Variants in RAB11FIP4 observed in about 807,000 individuals in gnomAD.
RAB11FIP4 encodes the protein RAB11 family interacting protein 4.
In RAB11FIP4, 23 loss-of-function variants were observed where a neutral mutation model predicts 74.3. That is an observed-to-expected ratio of 0.31 (90% confidence interval 0.22 to 0.44). RAB11FIP4 has a LOEUF of 0.44. Among genes scored for constraint, RAB11FIP4 ranks in the 20% least tolerant of loss-of-function variants. The probability of loss-of-function intolerance (pLI) is 1.00; values close to 1 mark genes in which losing one functional copy is unlikely to be tolerated. For synonymous variants in RAB11FIP4, 360 were observed against 359.9 expected, an observed-to-expected ratio of 1.00 and a Z score of 0.00; for missense variants, 630 against 863.9, an observed-to-expected ratio of 0.73 and a Z score of 3.39.
chr17:31,438,669 A>G (rs2071382399), intron 3 of RAB11FIP4, among the ~76,000 whole-genome samples: 1 of 152,006 alleles, frequency 6.6e-6, no homozygotes, highest in Non-Finnish European at 1.5e-5. Context: ...ATCTCTCACC[A>G]TGGTGCATCT....
At position 31,470,932 on chromosome 17, in the gene RAB11FIP4, G is replaced by A. The variant is rs148630051; in HGVS notation, c.336+36810G>A. Among the ~76,000 whole-genome samples the A allele has an allele frequency of 3.9e-3, 588 of 152,296 alleles. 6 individuals are homozygous for A. The highest frequency in any genetic ancestry group is 5.6e-3 in the Non-Finnish European group (378 of 68,014). On this transcript the variant is annotated intron_variant, in intron 3 of 14. Coordinates refer to ENST00000621161, the MANE Select transcript of RAB11FIP4 (RefSeq NM_032932.6). ...GGCCACATAGTAGATGCAGTTTTCT[G>A]TAGAAGTTTTATTTTAAAAATCAAT...
At chr17:31,405,439 G>A (rs938765655) in intron 1 of RAB11FIP4, among the ~76,000 whole-genome samples, 17 of 151,858 alleles carry the variant, frequency 1.1e-4, no homozygotes, top group Admixed American at 8.5e-4. Context: ...GCGTGATCTC[G>A]GCTCACTGCA....
intron 3 of RAB11FIP4, among the ~76,000 whole-genome samples, chr17:31,507,873 G>A (rs1404616583): frequency 6.6e-6 from 1 of 151,884 alleles, no homozygotes; most frequent in African/African-American, 2.4e-5. Flanking sequence ...TCTCACTCCC[G>A]TTGCCCAGGC....
In RAB11FIP4 at chr17:31,537,389, G is replaced by A. The variant is rs746832194; in HGVS notation, c.*5657G>A. On this transcript the variant is annotated 3_prime_UTR_variant, in exon 15 of 15. Coordinates refer to ENST00000621161, the MANE Select transcript of RAB11FIP4 (RefSeq NM_032932.6). The stretch of plus-strand genomic sequence containing the variant: ...TTTCATTATTGTCTTAAGCATGGGG[G>A]GCTAGGACCCACTTAGTCCCTCCTC... 21 of 395,870 alleles carry A rather than the reference G, an allele frequency of 5.3e-5. No homozygotes were observed. Among genetic ancestry groups the A allele is most frequent in the Non-Finnish European group, 8.5e-5 (19 of 224,576 alleles). 24.5% of individuals were successfully genotyped at this position (395,870 alleles called of 1,614,324 possible). A position where few individuals can be genotyped will look rare whatever the true frequency, so the allele number is the denominator to read the frequency against.
chr17:31,477,206 C>T (rs1353236787), intron 3 of RAB11FIP4, among the ~76,000 whole-genome samples: 1 of 152,256 alleles, frequency 6.6e-6, no homozygotes, highest in Non-Finnish European at 1.5e-5. Flanking sequence ...CTTCCAACCC[C>T]AGAACAGACT....
rs2072885356 is a variant in RAB11FIP4 at position 31,532,301 on chromosome 17, A to T, written c.*569A>T. The T allele has an allele frequency of 6.5e-6, 1 of 154,590 alleles. No homozygotes were observed. The highest frequency in any genetic ancestry group is 2.4e-5 in the African/African-American group (1 of 41,438). The allele number at this position is 154,590 out of a possible 1,614,324, so 9.6% of individuals were successfully genotyped here. ...GTCCATGAGATGGGGCCCTCACCAAATGCCTTGGCCACCGGCCAGCAGCCC... is the reference window on the plus strand; with the variant it reads ...GTCCATGAGATGGGGCCCTCACCAATTGCCTTGGCCACCGGCCAGCAGCCC... On this transcript the variant is annotated 3_prime_UTR_variant, in exon 15 of 15. Coordinates refer to ENST00000621161, the MANE Select transcript of RAB11FIP4 (RefSeq NM_032932.6).
intron 2 of RAB11FIP4, 150 bp from the exon 3 acceptor site, chr17:31,433,884 T>G (rs1353507739): frequency 5.7e-6 from 4 of 707,826 alleles, no homozygotes; most frequent in Non-Finnish European, 9.7e-6. Flanking sequence ...CTGGGCTCCA[T>G]CCCTGCCTTC....
chr17:31,469,927 T>C (rs1013338289), intron 3 of RAB11FIP4, among the ~76,000 whole-genome samples: 1 of 152,212 alleles, frequency 6.6e-6, no homozygotes, highest in African/African-American at 2.4e-5. Context: ...AGAGTGGCTT[T>C]ACCTGAGCTG....
rs1173562045 is a variant in RAB11FIP4, at chr17:31,445,560, ATATATATATATATATATATTTTTTTT to A, written c.336+11440_336+11465del. On this transcript the variant is annotated intron_variant, in intron 3 of 14. Coordinates refer to ENST00000621161, the MANE Select transcript of RAB11FIP4 (RefSeq NM_032932.6). Reference sequence around the variant, plus strand: ...TATATATATATATATATATATATATATATATATATATATATATATTTTTTTTTTTTTTTTTTTTTTTTTGACACGGA... The same window carrying A: ...TATATATATATATATATATATATATATTTTTTTTTTTTTTTTTGACACGGA... Among the ~76,000 whole-genome samples, 32 of 14,466 alleles carry A rather than the reference ATATATATATATATATATATTTTTTTT, an allele frequency of 2.2e-3. 1 individual carries two copies. The highest frequency in any genetic ancestry group is 7.7e-3 in the Admixed American group (9 of 1,170). The allele number at this position is 14,466 out of a possible 152,430, so 9.5% of individuals were successfully genotyped here.
At chr17:31,466,096 A>G (rs954558334) in intron 3 of RAB11FIP4, among the ~76,000 whole-genome samples, 1 of 152,142 alleles carries the variant, frequency 6.6e-6, no homozygotes, top group Admixed American at 6.5e-5. Flanking sequence ...GTGAGCCGAG[A>G]TCACGCCACT....
rs2072886878 is a variant in RAB11FIP4 at position 31,532,404 on chromosome 17, A to G, written c.*672A>G. 1 of 152,712 alleles carries G rather than the reference A, an allele frequency of 6.5e-6. No homozygotes were observed. The highest frequency in any genetic ancestry group is 6.5e-5 in the Admixed American group (1 of 15,294). 9.5% of individuals were successfully genotyped at this position (152,712 alleles called of 1,614,324 possible). On this transcript the variant is annotated 3_prime_UTR_variant, in exon 15 of 15. Coordinates refer to ENST00000621161, the MANE Select transcript of RAB11FIP4 (RefSeq NM_032932.6). ...TGCGGGGCATCCTCATCCTGTACCT[A>G]TAGAGTTCGTGCACTCCCCCATCCA... is the stretch of plus-strand genomic sequence containing the variant.
At chr17:31,526,383 C>T (rs1430885439) in intron 10 of RAB11FIP4, 4 of 152,180 alleles carry the variant, frequency 2.6e-5, no homozygotes, top group Admixed American at 1.3e-4. Context: ...GTAAAATATC[C>T]GAGTGGTGTT....
chr17:31,402,396 A>G (rs1442567178), intron 1 of RAB11FIP4, among the ~76,000 whole-genome samples: 1 of 152,106 alleles, frequency 6.6e-6, no homozygotes, highest in African/African-American at 2.4e-5. Context: ...CCAGATGGTG[A>G]CTTTCGGGAG....
intron 3 of RAB11FIP4, among the ~76,000 whole-genome samples, chr17:31,459,014 T>C (rs2071607957): frequency 6.6e-6 from 1 of 152,178 alleles, no homozygotes; most frequent in Non-Finnish European, 1.5e-5. Flanking sequence ...TCTATGGAAA[T>C]TGTGCAGTAC....
At chr17:31,463,841 T>G (rs1597931564) in intron 3 of RAB11FIP4, among the ~76,000 whole-genome samples, 1 of 89,890 alleles carries the variant, frequency 1.1e-5, no homozygotes. Flanking sequence ...TGAGACAGAG[T>G]CTTTCTCTGT....
chr17:31,399,692 G>A (rs2070966045), intron 1 of RAB11FIP4, among the ~76,000 whole-genome samples: 1 of 151,922 alleles, frequency 6.6e-6, no homozygotes, highest in Non-Finnish European at 1.5e-5. Context: ...CAGCCTGGAT[G>A]ACAGAGCGAG....
intron 6 of RAB11FIP4, 131 bp downstream of exon 6, chr17:31,522,180 CA>C: frequency 7.4e-7 from 1 of 1,354,474 alleles, no homozygotes; most frequent in Non-Finnish European, 1.0e-6. Flanking sequence ...AGGGTTGATC[CA>C]GGGGCTTTTT....
At chr17:31,434,674 T>C (rs1310748370) in intron 3 of RAB11FIP4, among the ~76,000 whole-genome samples, 1 of 152,134 alleles carries the variant, frequency 6.6e-6, no homozygotes. Flanking sequence ...ACCACCTCCC[T>C]CGGGCTGGGT....
At chr17:31,465,043 G>A (rs1403633188) in intron 3 of RAB11FIP4, among the ~76,000 whole-genome samples, 3 of 152,152 alleles carry the variant, frequency 2.0e-5, no homozygotes, top group Non-Finnish European at 4.4e-5. Flanking sequence ...ACAGGTGTGA[G>A]CTACAGTGCC....
Sources: gnomAD v4.1 joint callset for allele counts (sites outside exome capture counted in the v4.1 genomes callset) on GRCh38, gnomAD v4.1.1 for gene constraint, MANE v1.5 for transcripts, NCBI Gene and HGNC (gene_info 2026-07-23, HGNC 2026-07-21) for gene names.